Variants in IGFBP7 observed in about 807,000 individuals in gnomAD.
The protein encoded by IGFBP7 is insulin like growth factor binding protein 7, also known as insulin-like growth factor-binding protein 7.
IGFBP7 carries 31 observed loss-of-function variants against 29.4 expected under a neutral mutation model. The observed-to-expected ratio is 1.05, with a 90% CI of 0.79 to 1.42. The LOEUF is 1.42. Ranked by LOEUF, IGFBP7 falls within the 40% of genes most tolerant of loss-of-function variation. The probability of loss-of-function intolerance (pLI) is 0.00; values close to 1 mark genes in which losing one functional copy is unlikely to be tolerated. For synonymous variants in IGFBP7, 172 were observed against 174.9 expected (o/e 0.98, Z 0.13); for missense variants, 393 against 395.5 (o/e 0.99, Z 0.05).
chr4:57,039,421 C>A (rs745695866), intron 2 of IGFBP7, among the ~76,000 whole-genome samples: 17 of 152,144 alleles, frequency 1.1e-4, no homozygotes, highest in Non-Finnish European at 2.5e-4. Flanking sequence ...CCTTAGGGGA[C>A]ATTTGGCAAT....
rs144569413 is a variant in IGFBP7 at position 57,094,270 on chromosome 4, G to C, written c.475+15607C>G. On this transcript the variant is annotated intron_variant, in intron 1 of 4. Transcript: ENST00000295666. ...TGATAGTGAGGATCCAAGTAACCTT[G>C]TGTCCTGAGCTAAAAGATGGGTGCA... 2.1e-3 allele frequency among the ~76,000 whole-genome samples: 321 copies of C among 152,272 alleles called. 1 individual carries two copies. The highest frequency in any genetic ancestry group is 3.6e-3 in the Non-Finnish European group (243 of 68,028).
At chr4:57,094,199 G>T (rs1216701711) in intron 1 of IGFBP7, among the ~76,000 whole-genome samples, 1 of 152,150 alleles carries the variant, frequency 6.6e-6, no homozygotes, top group Non-Finnish European at 1.5e-5. Flanking sequence ...ACAAAAAGCA[G>T]GCACTGGATG....
chr4:57,110,217 C>CG lies in IGFBP7; in HGVS notation c.134dup (p.Leu46AlafsTer52). The CG allele has an allele frequency of 7.3e-7, 1 of 1,378,036 alleles. No homozygotes were observed. The highest frequency in any genetic ancestry group is 9.3e-7 in the Non-Finnish European group (1 of 1,073,072). The allele number at this position is 1,378,036 out of a possible 1,614,324, so 85.4% of individuals were successfully genotyped here. A position where few individuals can be genotyped will look rare whatever the true frequency, so the allele number is the denominator to read the frequency against. ...GGGTCTCGCCCAGCAGGCAGCCCAG[C>CG]GGGGGCAGGGGCGGGCAGGAGGCCG... On this transcript the variant is annotated frameshift_variant, in exon 1 of 5. Transcript: ENST00000295666. LOFTEE classifies it high-confidence loss of function.
intron 1 of IGFBP7, among the ~76,000 whole-genome samples, chr4:57,107,623 A>G (rs939954909): frequency 1.3e-5 from 2 of 152,208 alleles, no homozygotes; most frequent in South Asian, 2.1e-4. Context: ...GCATTCTCCT[A>G]TAAATGGTCT....
Position 57,031,229 on chromosome 4 carries a change from G to T in IGFBP7, c.*88C>A. 2 of 1,091,794 alleles carry T rather than the reference G, an allele frequency of 1.8e-6. No homozygotes were observed. The highest frequency in any genetic ancestry group is 2.8e-6 in the Non-Finnish European group (2 of 715,666). 67.6% of individuals were successfully genotyped at this position (1,091,794 alleles called of 1,614,324 possible). On this transcript the variant is annotated 3_prime_UTR_variant, in exon 5 of 5. Coordinates refer to ENST00000295666, the MANE Select transcript of IGFBP7 (RefSeq NM_001553.3). ...AATATAACTAAAGTGTTAGTGGATT[G>T]GATTAAAAGAAACTTATTAGGCAAG...
At chr4:57,068,974 A>G (rs1262359259) in intron 1 of IGFBP7, among the ~76,000 whole-genome samples, 4 of 152,118 alleles carry the variant, frequency 2.6e-5, no homozygotes. Context: ...GAAATGTGAA[A>G]GTGGTAAGGA....
intron 1 of IGFBP7, among the ~76,000 whole-genome samples, chr4:57,072,038 T>G (rs1725064389): frequency 6.6e-6 from 1 of 152,080 alleles, no homozygotes; most frequent in Admixed American, 6.6e-5. Context: ...TGTGAAGGTT[T>G]GTTACATAGG....
At chr4:57,038,278 C>T (rs1430285903) in intron 2 of IGFBP7, among the ~76,000 whole-genome samples, 1 of 152,198 alleles carries the variant, frequency 6.6e-6, no homozygotes, top group Non-Finnish European at 1.5e-5. Flanking sequence ...CCCTTTCTTT[C>T]CTCTGGGGTC....
intron 1 of IGFBP7, among the ~76,000 whole-genome samples, chr4:57,093,958 T>C (rs2109797789): frequency 6.6e-6 from 1 of 152,304 alleles, no homozygotes; most frequent in East Asian, 1.9e-4. Flanking sequence ...CAGTAGAAAT[T>C]GCCCAGAAAA....
At chr4:57,038,612 A>C (rs574660784) in intron 2 of IGFBP7, among the ~76,000 whole-genome samples, 1 of 152,166 alleles carries the variant, frequency 6.6e-6, no homozygotes, top group Non-Finnish European at 1.5e-5. Context: ...ACTATCATCC[A>C]CCTTAGAGCT....
chr4:57,085,781 C>G (rs1435531647), intron 1 of IGFBP7, among the ~76,000 whole-genome samples: 3 of 152,166 alleles, frequency 2.0e-5, no homozygotes, highest in Non-Finnish European at 4.4e-5. Flanking sequence ...TACCTTTTTG[C>G]AACTCCTCAG....
intron 1 of IGFBP7, among the ~76,000 whole-genome samples, chr4:57,051,825 A>G (rs1724510298): frequency 3.3e-5 from 5 of 152,386 alleles, no homozygotes; most frequent in Admixed American, 3.3e-4. Flanking sequence ...CCATTAGCAC[A>G]GTACCTGGCA....
chr4:57,050,930 AAAC>A (rs1438709854), intron 1 of IGFBP7, among the ~76,000 whole-genome samples: 1 of 152,118 alleles, frequency 6.6e-6, no homozygotes, highest in Non-Finnish European at 1.5e-5. Flanking sequence ...ATAGATTTGC[AAAC>A]AACACTCACC....
intron 3 of IGFBP7, 118 bp from the exon 4 acceptor site, chr4:57,032,670 T>C: frequency 1.2e-6 from 1 of 823,536 alleles, no homozygotes; most frequent in Non-Finnish European, 2.1e-6. Flanking sequence ...ATAGCAAAGG[T>C]ACTGCTAGAA....
At chr4:57,048,329 G>C (rs1489107188) in intron 1 of IGFBP7, among the ~76,000 whole-genome samples, 1 of 152,174 alleles carries the variant, frequency 6.6e-6, no homozygotes, top group Non-Finnish European at 1.5e-5. Flanking sequence ...GATTACAGGA[G>C]TGAGCAACAG....
intron 2 of IGFBP7, among the ~76,000 whole-genome samples, chr4:57,040,106 T>A (rs1056896143): frequency 1.3e-5 from 2 of 152,102 alleles, no homozygotes; most frequent in African/African-American, 4.8e-5. Context: ...TCTGGAGTGG[T>A]CTCCTCTGTC....
At chr4:57,079,405 G>GA (rs1009976118) in intron 1 of IGFBP7, among the ~76,000 whole-genome samples, 28 of 147,844 alleles carry the variant, frequency 1.9e-4, no homozygotes, top group African/African-American at 4.4e-4. Flanking sequence ...ACAGCCATGG[G>GA]AAAAAAAAAA....
chr4:57,095,831 C>A (rs548653450), intron 1 of IGFBP7, among the ~76,000 whole-genome samples: 1 of 152,302 alleles, frequency 6.6e-6, no homozygotes, highest in African/African-American at 2.4e-5. Context: ...AGCAGAGCCG[C>A]CTCTCCCTAT....
intron 1 of IGFBP7, among the ~76,000 whole-genome samples, chr4:57,068,806 G>A (rs1286962791): frequency 6.6e-6 from 1 of 152,200 alleles, no homozygotes; most frequent in Admixed American, 6.5e-5. Context: ...TTTAAATTTA[G>A]AACATGGGCT....
Sources: gnomAD v4.1 joint callset for allele counts (sites outside exome capture counted in the v4.1 genomes callset) on GRCh38, gnomAD v4.1.1 for gene constraint, MANE v1.5 for transcripts, NCBI Gene and HGNC (gene_info 2026-07-23, HGNC 2026-07-21) for gene names.